PKHD1L1: variants seen among roughly 807,000 people sequenced by gnomAD.
PKHD1L1 encodes the protein fibrocystin-L.
A neutral mutation model predicts 462.9 loss-of-function variants in PKHD1L1; 434 were observed. The observed-to-expected ratio is 0.94, with a 90% CI of 0.87 to 1.02. The LOEUF (loss-of-function observed/expected upper bound fraction) is 1.02. PKHD1L1 is among the 50% of genes least tolerant of loss of function. The pLI is 0.00. For synonymous variants in PKHD1L1, 1,781 were observed against 1,750.0 expected (o/e 1.02, Z -0.44); for missense variants, 5,202 against 5,096.1 (o/e 1.02, Z -0.63).
intron 46 of PKHD1L1, among the ~76,000 whole-genome samples, chr8:109,458,654 A>G (rs2844251): frequency 0.55 from 84,172 of 151,930 alleles, 23,528 homozygotes; most frequent in South Asian, 0.69. Context: ...TTCACATGTG[A>G]CACTGTCATT....
intron 27 of PKHD1L1, among the ~76,000 whole-genome samples, chr8:109,432,017 ACACTTT>A (rs1470292852): frequency 1.3e-5 from 2 of 152,146 alleles, no homozygotes; most frequent in African/African-American, 4.8e-5. Context: ...GTGAAAGTTA[ACACTTT>A]TTAGAAATTT....
chr8:109,432,195 C>A (rs1815146128), intron 27 of PKHD1L1, among the ~76,000 whole-genome samples: 1 of 151,992 alleles, frequency 6.6e-6, no homozygotes, highest in African/African-American at 2.4e-5. Flanking sequence ...GTTTACCAAT[C>A]CTTTGCACAT....
chr8:109,523,381 G>C lies in PKHD1L1; in HGVS notation c.12479G>C (p.Arg4160Thr). The change falls in exon 76 of 78, where the codon AGA (arginine) becomes ACA (threonine). Residue 4160 changes from arginine (R) to threonine (T), a missense_variant. Arg to Thr is a moderately conservative substitution (Grantham distance 71, BLOSUM62 -1). Transcript: ENST00000378402. The stretch of plus-strand genomic sequence containing the variant: ...AACTACACAGACCTTACTCCCCTTA[G>C]AACAGGTGGGTGCACTATTTTGGAT... ...WANYTDLTPL[R>T]TGKNYKIEFI... 1 of 1,610,806 alleles carries C rather than the reference G, an allele frequency of 6.2e-7. No homozygotes were observed. The highest frequency in any genetic ancestry group is 8.5e-7 in the Non-Finnish European group (1 of 1,177,952).
At chr8:109,523,150 T>C (rs961737404) in intron 75 of PKHD1L1, 83 bp from the exon 76 acceptor site, 2 of 1,318,524 alleles carry the variant, frequency 1.5e-6, no homozygotes, top group Non-Finnish European at 2.1e-6. Context: ...TGAGGCATTT[T>C]TAAAAATAAA....
rs1413539003 is a variant in PKHD1L1, at chr8:109,530,169, T to C, written c.*79T>C. The C allele has an allele frequency of 1.2e-5, 10 of 860,244 alleles. No individual in the cohort carries two copies. Among genetic ancestry groups the C allele is most frequent in the East Asian group, 1.1e-4 (3 of 28,414 alleles). The allele number at this position is 860,244 out of a possible 1,614,324, so 53.3% of individuals were successfully genotyped here. A position where few individuals can be genotyped will look rare whatever the true frequency, so the allele number is the denominator to read the frequency against. ...TTGTTGGGCAATAGGCAAAAGTCTA[T>C]AGCATTTTCATGAAAATATACTAAA... On this transcript the variant is annotated 3_prime_UTR_variant, in exon 78 of 78. Transcript: ENST00000378402.
At chr8:109,484,099 A>G (rs35642615) in intron 57 of PKHD1L1, among the ~76,000 whole-genome samples, 1,729 of 151,994 alleles carry the variant, frequency 0.011, 16 homozygotes, top group Non-Finnish European at 0.02. Flanking sequence ...GCAAATCATC[A>G]AAACATATGG....
At position 109,427,051 on chromosome 8, in the gene PKHD1L1, T is replaced by C; in HGVS notation, c.2895T>C (p.Ser965=). 6.2e-7 allele frequency: 1 copy of C among 1,613,626 alleles called. No individual in the cohort carries two copies. Among genetic ancestry groups the C allele is most frequent in the Non-Finnish European group, 8.5e-7 (1 of 1,179,740 alleles). ...SAADLQFALQ[S]LEGMGRISVT... is the part of the protein sequence containing the mutation. ...CAGATCTGCAGTTTGCACTCCAGAG[T>C]CTGGAGGGAATGGGAAGAATCTCAG... Residue 965 remains serine (S), a synonymous_variant, in exon 25 of 78, where the codon AGT becomes AGC. Transcript: ENST00000378402.
chr8:109,518,308 T>C lies in PKHD1L1; in HGVS notation c.11831T>C (p.Leu3944Ser), dbSNP rs759739574. The change falls in exon 73 of 78, where the codon TTA becomes TCA. Residue 3944 changes from leucine to serine, a missense_variant. Transcript: ENST00000378402. ...TATVIFVSFQ[L>S]SVATEDDFYT... ...ACAGTGATATTTGTTTCTTTCCAATTATCTGTTGCAACAGAAGATGACTTT... is the reference window on the plus strand; with the variant it reads ...ACAGTGATATTTGTTTCTTTCCAATCATCTGTTGCAACAGAAGATGACTTT... 2 of 1,613,178 alleles carry C rather than the reference T, an allele frequency of 1.2e-6. No individual in the cohort carries two copies. The highest frequency in any genetic ancestry group is 4.5e-5 in the East Asian group (2 of 44,860).
Position 109,534,393 on chromosome 8 carries a change from G to T in PKHD1L1, c.*4303G>T, listed in dbSNP as rs1174049138. ...CAGGAGAATGGTGTGAACCCAGGAG[G>T]CGGAGCTTGCAGTGAGCTGAGATCT... On this transcript the variant is annotated 3_prime_UTR_variant, in exon 78 of 78. Coordinates refer to ENST00000378402, the MANE Select transcript of PKHD1L1 (RefSeq NM_177531.6). 1.3e-5 allele frequency among the ~76,000 whole-genome samples: 2 copies of T among 152,146 alleles called. No homozygotes were observed. Among genetic ancestry groups the T allele is most frequent in the Non-Finnish European group, 2.9e-5 (2 of 68,018 alleles).
chr8:109,420,887 C>T (rs1003603063), intron 23 of PKHD1L1, among the ~76,000 whole-genome samples, 197 bp downstream of exon 23: 1 of 151,610 alleles, frequency 6.6e-6, no homozygotes, highest in Non-Finnish European at 1.5e-5. Context: ...GGAAGGAAAA[C>T]AGGGAGAAAT....
chr8:109,411,109 TTA>T (rs1361595198), intron 19 of PKHD1L1, among the ~76,000 whole-genome samples: 1 of 152,150 alleles, frequency 6.6e-6, no homozygotes. Context: ...TGGTGGGGCA[TTA>T]TATGTTTTTA....
At chr8:109,410,726 C>CTTTTTTTTTTTTTTTTTGTTTT (rs1813799892) in intron 19 of PKHD1L1, among the ~76,000 whole-genome samples, 1 of 68,402 alleles carries the variant, frequency 1.5e-5, no homozygotes, top group Non-Finnish European at 2.5e-5. Flanking sequence ...TTTTCTTTTT[C>CTTTTTTTTTTTTTTTTTGTTTT]TTTTTTTTTT....
chr8:109,456,268 CT>C lies in PKHD1L1; in HGVS notation c.6882del (p.Val2295PhefsTer3). 1 of 1,612,234 alleles carries C rather than the reference CT, an allele frequency of 6.2e-7. No individual in the cohort carries two copies. Among genetic ancestry groups the C allele is most frequent in the Non-Finnish European group, 8.5e-7 (1 of 1,179,116 alleles). ...GTGTGTATGTTGGTTCTAGGTGTGC[CT>C]GTTCCTGTGACCTGGACTCGCTTGG... ...REGILDLHGV[P>X]VPVTWTRLAH... On this transcript the variant is annotated frameshift_variant, in exon 46 of 78. Transcript: ENST00000378402. LOFTEE classifies it high-confidence loss of function.
chr8:109,459,345 A>C (rs547920520), intron 46 of PKHD1L1, among the ~76,000 whole-genome samples: 17 of 152,294 alleles, frequency 1.1e-4, no homozygotes, highest in Non-Finnish European at 1.6e-4. Flanking sequence ...AATACTTTTT[A>C]TAAGCTAATC....
At chr8:109,523,200 T>G in intron 75 of PKHD1L1, 33 bp from the exon 76 acceptor site, 10 of 1,529,886 alleles carry the variant, frequency 6.5e-6, no homozygotes, top group Non-Finnish European at 8.9e-6. Flanking sequence ...ACAGGACAAT[T>G]GTTATAATTA....
At chr8:109,447,224 GAAACAAACAAAC>G (rs561404511) in intron 38 of PKHD1L1, among the ~76,000 whole-genome samples, 3 of 151,942 alleles carry the variant, frequency 2.0e-5, no homozygotes, top group Non-Finnish European at 2.9e-5. Context: ...CTCCATCTCC[GAAACAAACAAAC>G]AAACAAACAA....
chr8:109,526,789 A>G lies in PKHD1L1; in HGVS notation c.12490A>G (p.Asn4164Asp), dbSNP rs552369187. The change falls in exon 77 of 78, where the codon AAT becomes GAT. Residue 4164 changes from asparagine to aspartate, a missense_variant. Around this residue, in one of 3 missense-constraint regions of PKHD1L1, gnomAD observed 698 missense variants for 736.3 expected, o/e 0.95. Coordinates refer to ENST00000378402, the MANE Select transcript of PKHD1L1 (RefSeq NM_177531.6). Reference sequence around the variant, plus strand: ...ATGATGCTTTTTTTTTCCAGGAAAAAATTATAAGATTGAATTTATACTGGA... The same window carrying G: ...ATGATGCTTTTTTTTTCCAGGAAAAGATTATAAGATTGAATTTATACTGGA... Reference protein sequence around the residue: ...TDLTPLRTGKNYKIEFILDNV... With the variant: ...TDLTPLRTGKDYKIEFILDNV... 6.5e-7 allele frequency: 1 copy of G among 1,546,596 alleles called. No homozygotes were observed. The highest frequency in any genetic ancestry group is 8.7e-7 in the Non-Finnish European group (1 of 1,144,500).
intron 38 of PKHD1L1, among the ~76,000 whole-genome samples, chr8:109,446,848 A>G (rs1238890336): frequency 6.6e-6 from 1 of 152,212 alleles, no homozygotes; most frequent in Non-Finnish European, 1.5e-5. Flanking sequence ...GCACACTGAG[A>G]ACAACGCTGT....
At chr8:109,476,879 C>T (rs1818016398) in intron 52 of PKHD1L1, among the ~76,000 whole-genome samples, 2 of 152,110 alleles carry the variant, frequency 1.3e-5, no homozygotes, top group South Asian at 4.1e-4. Context: ...GTGACACCAG[C>T]ATGCTTGCAC....
Sources: allele counts gnomAD v4.1 joint callset (sites outside exome capture counted in the v4.1 genomes callset), GRCh38; gene constraint gnomAD v4.1.1; regional missense constraint gnomAD v4.1.1; transcripts MANE v1.5; gene names NCBI Gene and HGNC (gene_info 2026-07-23, HGNC 2026-07-21).